Variants in OPA3 observed in about 807,000 individuals in gnomAD.
The protein encoded by OPA3 is outer mitochondrial membrane lipid metabolism regulator OPA3.
A neutral mutation model predicts 4.0 loss-of-function variants in OPA3; 6 were observed. The ratio of observed to expected loss-of-function variants is 1.51; its 90% confidence interval spans 0.83 to 2.99. The LOEUF (loss-of-function observed/expected upper bound fraction) is 2.99. Among genes scored for constraint, OPA3 ranks in the 30% most tolerant of loss-of-function variants. The pLI, the probability that OPA3 is intolerant of heterozygous loss-of-function variation, is 0.00. For synonymous variants in OPA3, 105 were observed against 117.1 expected, an observed-to-expected ratio of 0.90 and a Z score of 0.67; for missense variants, 235 against 256.2, an observed-to-expected ratio of 0.92 and a Z score of 0.56.
In OPA3 at chr19:45,566,810, A is replaced by G. The variant is rs532091592; in HGVS notation, c.143-12899T>C. Among the ~76,000 whole-genome samples the G allele has an allele frequency of 6.6e-5, 10 of 152,120 alleles. No homozygotes were observed. The South Asian group carries it at 2.1e-3, about 32-fold the overall frequency. On this transcript the variant is annotated intron_variant, in intron 1 of 1. Coordinates refer to ENST00000263275, the MANE Select transcript of OPA3 (RefSeq NM_025136.4). ...TTATAAAATTAAATATAACCTTACC[A>G]TATAACCCAGAAATTTTACTCCTAG...
intron 1 of OPA3, among the ~76,000 whole-genome samples, chr19:45,538,301 G>C (rs1053237438): frequency 6.6e-6 from 1 of 151,842 alleles, no homozygotes; most frequent in Non-Finnish European, 1.5e-5. Flanking sequence ...TATGCCTGTG[G>C]TCCCAGCTCA....
In OPA3 at chr19:45,580,005, T is replaced by TC. The variant is rs1389371754; in HGVS notation, c.142+4617_142+4618insG. On this transcript the variant is annotated intron_variant, in intron 1 of 1. Coordinates refer to ENST00000263275, the MANE Select transcript of OPA3 (RefSeq NM_025136.4). ...ATTTTCTTTCTTTTTTTTTTTCTTT[T>TC]TTTTTTTTTGATATGGAGTCTCGCT... Among the ~76,000 whole-genome samples, 474 of 137,624 alleles carry TC rather than the reference T, an allele frequency of 3.4e-3. 5 individuals carry two copies. Among genetic ancestry groups the TC allele is most frequent in the African/African-American group, 0.014 (452 of 31,198 alleles). The allele number at this position is 137,624 out of a possible 152,430, so 90.3% of individuals were successfully genotyped here.
downstream of OPA3, among the ~76,000 whole-genome samples, chr19:45,545,949 A>G (rs557098836): frequency 6.6e-5 from 10 of 152,080 alleles, no homozygotes; most frequent in East Asian, 1.9e-3. Flanking sequence ...CCTGAGATTA[A>G]GCAATCCTCC....
intron 1 of OPA3, among the ~76,000 whole-genome samples, chr19:45,557,996 G>T (rs1432640607): frequency 6.6e-6 from 1 of 152,126 alleles, no homozygotes; most frequent in East Asian, 1.9e-4. Context: ...TCACCCCTCT[G>T]CAATTGTCCC....
intron 1 of OPA3, among the ~76,000 whole-genome samples, chr19:45,539,271 C>T (rs935114473): frequency 2.6e-5 from 4 of 152,062 alleles, no homozygotes; most frequent in South Asian, 4.1e-4. Context: ...ATGGTGCAGC[C>T]ACTTTGGAAA....
At chr19:45,528,870 A>C (rs898210506) in exon 2 of OPA3, 42 of 624,976 alleles carry the variant, frequency 6.7e-5, no homozygotes, top group Non-Finnish European at 9.7e-5. Flanking sequence ...TCCCAGTGGA[A>C]GGTACCACTG....
rs1969354107 is a variant in OPA3, at chr19:45,552,763, C to G, written c.*751G>C. 1 of 154,720 alleles carries G rather than the reference C, an allele frequency of 6.5e-6. No homozygotes were observed. The highest frequency in any genetic ancestry group is 2.4e-5 in the African/African-American group (1 of 41,436). The allele number at this position is 154,720 out of a possible 1,614,324, so 9.6% of individuals were successfully genotyped here. ...CCATCTTGGCTCACCGCAACCTCCACCTCATGGGTTCAAGCAATTCTCCTG... is the reference window on the plus strand; with the variant it reads ...CCATCTTGGCTCACCGCAACCTCCAGCTCATGGGTTCAAGCAATTCTCCTG... On this transcript the variant is annotated 3_prime_UTR_variant, in exon 2 of 2. Coordinates refer to ENST00000263275, the MANE Select transcript of OPA3 (RefSeq NM_025136.4).
intron 1 of OPA3, among the ~76,000 whole-genome samples, chr19:45,576,981 G>A (rs1079272): frequency 6.6e-6 from 1 of 151,758 alleles, no homozygotes; most frequent in Non-Finnish European, 1.5e-5. Flanking sequence ...ACCAGTGCGC[G>A]CCAAAGGAAT....
In OPA3 at chr19:45,549,933, G is replaced by A. The variant is rs576070088; in HGVS notation, c.*3581C>T. The A allele has an allele frequency of 4.3e-5, 40 of 934,830 alleles. No homozygotes were observed. The South Asian group carries it at 1.4e-3, about 33-fold the overall frequency. 57.9% of individuals were successfully genotyped at this position (934,830 alleles called of 1,614,324 possible). ...AGCACTTTGGGAGGCCGAGGCGGGC[G>A]GATTACCTGAGGTCAGGAGTTCAAG... On this transcript the variant is annotated 3_prime_UTR_variant, in exon 2 of 2. Transcript: ENST00000263275.
In OPA3 at chr19:45,551,759, C is replaced by T; in HGVS notation, c.*1755G>A. ...GGGGTGGGACCGGGGGCTATGGAGGCAGGAGGGTACTGCTACATGAAGACA... is the reference window on the plus strand; with the variant it reads ...GGGGTGGGACCGGGGGCTATGGAGGTAGGAGGGTACTGCTACATGAAGACA... On this transcript the variant is annotated 3_prime_UTR_variant, in exon 2 of 2. Coordinates refer to ENST00000263275, the MANE Select transcript of OPA3 (RefSeq NM_025136.4). 2 of 985,514 alleles carry T rather than the reference C, an allele frequency of 2.0e-6. No individual in the cohort carries two copies. The highest frequency in any genetic ancestry group is 1.2e-6 in the Non-Finnish European group (1 of 830,016). The allele number at this position is 985,514 out of a possible 1,614,324, so 61.0% of individuals were successfully genotyped here. A position where few individuals can be genotyped will look rare whatever the true frequency, so the allele number is the denominator to read the frequency against.
chr19:45,570,078 G>A (rs1013594740), intron 1 of OPA3, among the ~76,000 whole-genome samples: 5 of 152,186 alleles, frequency 3.3e-5, no homozygotes, highest in Admixed American at 3.3e-4. Flanking sequence ...TCCCCAGGCT[G>A]ACACGGGCGC....
At position 45,546,590 on chromosome 19, in the gene OPA3, G is replaced by C. The variant is rs1969252456; in HGVS notation, c.*6924C>G. Reference sequence around the variant, plus strand: ...AGTTCACTGCAGCCTTAAACACCCGGGTTCAAGCGATCCTCCTGCCTCAGC... The same window carrying C: ...AGTTCACTGCAGCCTTAAACACCCGCGTTCAAGCGATCCTCCTGCCTCAGC... On this transcript the variant is annotated 3_prime_UTR_variant, in exon 2 of 2. Coordinates refer to ENST00000263275, the MANE Select transcript of OPA3 (RefSeq NM_025136.4). 1.1e-5 allele frequency: 2 copies of C among 181,054 alleles called. No homozygotes were observed. Among genetic ancestry groups the C allele is most frequent in the Admixed American group, 1.3e-4 (2 of 15,212 alleles). The allele number at this position is 181,054 out of a possible 1,614,324, so 11.2% of individuals were successfully genotyped here. A position where few individuals can be genotyped will look rare whatever the true frequency, so the allele number is the denominator to read the frequency against.
At chr19:45,529,250 C>A in exon 2 of OPA3, 1 of 1,613,730 alleles carries the variant, frequency 6.2e-7, no homozygotes. Flanking sequence ...TCCCTGGCAA[C>A]ACGTCGCTCC....
At chr19:45,574,304 G>A (rs1969734178) in intron 1 of OPA3, among the ~76,000 whole-genome samples, 1 of 151,650 alleles carries the variant, frequency 6.6e-6, no homozygotes, top group Middle Eastern at 3.2e-3. Context: ...CTGAGAGGCA[G>A]GAGAATGGCG....
chr19:45,544,204 G>A (rs754487203), downstream of OPA3, among the ~76,000 whole-genome samples: 12 of 152,116 alleles, frequency 7.9e-5, no homozygotes, highest in Non-Finnish European at 1.2e-4. Flanking sequence ...CACTGCTCTC[G>A]AGACAAATGA....
intron 1 of OPA3, among the ~76,000 whole-genome samples, chr19:45,569,845 G>A (rs1969635462): frequency 1.3e-5 from 2 of 152,140 alleles, no homozygotes; most frequent in Non-Finnish European, 2.9e-5. Context: ...CAGAGATGGA[G>A]TCCTCAGGTT....
chr19:45,575,057 A>G (rs1432859291), intron 1 of OPA3, among the ~76,000 whole-genome samples: 1 of 152,150 alleles, frequency 6.6e-6, no homozygotes, highest in Non-Finnish European at 1.5e-5. Flanking sequence ...GGCTGAGCCC[A>G]GGCAAGCCAC....
chr19:45,577,721 T>C (rs1051010685), intron 1 of OPA3, among the ~76,000 whole-genome samples: 1 of 152,162 alleles, frequency 6.6e-6, no homozygotes, highest in Admixed American at 6.6e-5. Context: ...ACAGAACAAA[T>C]AGACCTCAGG....
Position 45,553,803 on chromosome 19 carries a change from A to C in OPA3, c.251T>G (p.Leu84Arg). Residue 84 changes from leucine (L) to arginine (R), a missense_variant, in exon 2 of 2, where the codon CTG (leucine) becomes CGG (arginine). Transcript: ENST00000263275. ...CACGATGAAGATGGTGGCTTCGCCC[A>C]GCAGCTCTGCGCCCAGCTCAGCTGC... The part of the protein sequence containing the change: ...EAAAELGAEL[L>R]GEATIFIVGG... 6.2e-7 allele frequency: 1 copy of C among 1,613,330 alleles called. No homozygotes were observed. Among genetic ancestry groups the C allele is most frequent in the Non-Finnish European group, 8.5e-7 (1 of 1,179,824 alleles).
Sources: gnomAD v4.1 joint callset for allele counts (sites outside exome capture counted in the v4.1 genomes callset) on GRCh38, gnomAD v4.1.1 for gene constraint, MANE v1.5 for transcripts, NCBI Gene and HGNC (gene_info 2026-07-23, HGNC 2026-07-21) for gene names.